PLCB1: variants seen among roughly 807,000 people sequenced by gnomAD.
The protein encoded by PLCB1 is 1-phosphatidylinositol 4,5-bisphosphate phosphodiesterase beta-1.
In PLCB1, 46 loss-of-function variants were observed where a neutral mutation model predicts 161.8. That is an observed-to-expected ratio of 0.28 (90% CI 0.22 to 0.36). PLCB1 has a LOEUF of 0.36. Among genes scored for constraint, PLCB1 ranks in the 10% least tolerant of loss-of-function variants. PLCB1 has a pLI of 1.00. For missense variants in PLCB1, 1,016 were observed against 1,472.5 expected (o/e 0.69, Z 5.07); for synonymous variants, 517 against 503.7 (o/e 1.03, Z -0.35).
At chr20:8,861,971 G>A (rs1197859085) in intron 31 of PLCB1, among the ~76,000 whole-genome samples, 1 of 152,104 alleles carries the variant, frequency 6.6e-6, no homozygotes, top group Non-Finnish European at 1.5e-5. Flanking sequence ...CTGGATATTA[G>A]ATATTTATTT....
chr20:8,307,134 C>T (rs958963865), intron 2 of PLCB1, among the ~76,000 whole-genome samples: 5 of 152,252 alleles, frequency 3.3e-5, no homozygotes, highest in Middle Eastern at 3.4e-3. Context: ...CAAAAGCTTC[C>T]ACGTTTCAAT....
At chr20:8,358,478 T>C (rs546581673) in intron 2 of PLCB1, among the ~76,000 whole-genome samples, 147 of 152,250 alleles carry the variant, frequency 9.7e-4, no homozygotes, top group African/African-American at 3.4e-3. Flanking sequence ...CTTGAACTCC[T>C]GACCTCAGGT....
chr20:8,271,331 T>C (rs1982269519), intron 2 of PLCB1, among the ~76,000 whole-genome samples: 1 of 152,112 alleles, frequency 6.6e-6, no homozygotes, highest in Non-Finnish European at 1.5e-5. Context: ...ATGATTGAAA[T>C]TGTTGGCCAT....
intron 3 of PLCB1, among the ~76,000 whole-genome samples, chr20:8,390,721 C>T (rs903378369): frequency 2.0e-5 from 3 of 152,104 alleles, no homozygotes; most frequent in African/African-American, 7.2e-5. Context: ...ATTATCAGCA[C>T]TAATTTCTGC....
At chr20:8,482,044 A>G (rs1290390977) in intron 3 of PLCB1, among the ~76,000 whole-genome samples, 3 of 151,702 alleles carry the variant, frequency 2.0e-5, no homozygotes, top group Non-Finnish European at 4.4e-5. Context: ...TTATAGTTTA[A>G]TAAAACATAT....
intron 9 of PLCB1, among the ~76,000 whole-genome samples, chr20:8,669,765 T>G (rs1989899933): frequency 6.6e-6 from 1 of 152,216 alleles, no homozygotes; most frequent in African/African-American, 2.4e-5. Flanking sequence ...CAAGAGGCAC[T>G]TAGGGCACTA....
chr20:8,639,848 T>C (rs1988882916), intron 4 of PLCB1, among the ~76,000 whole-genome samples: 1 of 151,690 alleles, frequency 6.6e-6, no homozygotes, highest in African/African-American at 2.4e-5. Flanking sequence ...GGAAGAGCCA[T>C]TAAATAAACT....
At chr20:8,840,105 A>G (rs538352075) in intron 31 of PLCB1, among the ~76,000 whole-genome samples, 15 of 151,574 alleles carry the variant, frequency 9.9e-5, no homozygotes, top group African/African-American at 3.4e-4. Context: ...TTTTTCTCAC[A>G]TATTTTCCTC....
At chr20:8,466,292 G>A (rs1473665391) in intron 3 of PLCB1, among the ~76,000 whole-genome samples, 2 of 148,272 alleles carry the variant, frequency 1.3e-5, no homozygotes, top group South Asian at 2.2e-4. Flanking sequence ...CATGGACACA[G>A]GAAGGGGAAT....
chr20:8,132,569 C>T lies in PLCB1; in HGVS notation c.-83C>T. 1.2e-6 allele frequency: 1 copy of T among 821,798 alleles called. No individual in the cohort carries two copies. Among genetic ancestry groups the T allele is most frequent in the Non-Finnish European group, 1.8e-6 (1 of 566,620 alleles). 50.9% of individuals were successfully genotyped at this position (821,798 alleles called of 1,614,324 possible). ...CGCCTCCGGAGCAGAGAAAGGAGCC[C>T]GCGCCCCGCGCCCCGCGCCCCGCGC... On this transcript the variant is annotated 5_prime_UTR_variant, in exon 1 of 32. Transcript: ENST00000338037. The surrounding 1 kb of genome is among the most constrained non-coding windows in gnomAD (Gnocchi z 5.2).
chr20:8,501,674 G>A (rs1003418103), intron 3 of PLCB1, among the ~76,000 whole-genome samples: 3 of 152,016 alleles, frequency 2.0e-5, no homozygotes, highest in Non-Finnish European at 2.9e-5. Flanking sequence ...GAAACATACC[G>A]ATGCCATATC....
chr20:8,629,928 TCTTTC>T (rs1164315009), intron 4 of PLCB1, among the ~76,000 whole-genome samples: 9 of 149,940 alleles, frequency 6.0e-5, no homozygotes, highest in Admixed American at 5.3e-4. Flanking sequence ...TTTCCTCTCT[TCTTTC>T]CTTTCTTTCT....
At chr20:8,764,831 C>T (rs1364708248) in intron 25 of PLCB1, among the ~76,000 whole-genome samples, 1 of 152,180 alleles carries the variant, frequency 6.6e-6, no homozygotes, top group Admixed American at 6.5e-5. Flanking sequence ...GGCTCCCCTA[C>T]TCTGAGAGTC....
At chr20:8,182,734 C>A (rs1165870537) in intron 2 of PLCB1, among the ~76,000 whole-genome samples, 2 of 151,886 alleles carry the variant, frequency 1.3e-5, no homozygotes, top group Non-Finnish European at 2.9e-5. Context: ...GCGCCCGCAA[C>A]CATGCCCGGC....
At chr20:8,663,028 C>T (rs1355574660) in intron 9 of PLCB1, among the ~76,000 whole-genome samples, 2 of 151,906 alleles carry the variant, frequency 1.3e-5, no homozygotes, top group African/African-American at 2.4e-5. Context: ...TTCAGATGTG[C>T]CCAGGTGTTA....
At chr20:8,216,347 T>A (rs1322271069) in intron 2 of PLCB1, among the ~76,000 whole-genome samples, 3 of 152,222 alleles carry the variant, frequency 2.0e-5, no homozygotes, top group African/African-American at 7.2e-5. Context: ...TCATTGTGGA[T>A]CTCAGACTGA....
At chr20:8,174,445 AC>A (rs1227043709) in intron 2 of PLCB1, among the ~76,000 whole-genome samples, 1 of 152,204 alleles carries the variant, frequency 6.6e-6, no homozygotes, top group African/African-American at 2.4e-5. Context: ...TAGCAGACCC[AC>A]CCATTAAGAT....
At chr20:8,301,812 G>A (rs1315367636) in intron 2 of PLCB1, among the ~76,000 whole-genome samples, 1 of 152,220 alleles carries the variant, frequency 6.6e-6, no homozygotes, top group Non-Finnish European at 1.5e-5. Context: ...AGTTTGCACG[G>A]CAATATGCCA....
At chr20:8,461,752 A>G (rs1981586063) in intron 3 of PLCB1, among the ~76,000 whole-genome samples, 1 of 152,148 alleles carries the variant, frequency 6.6e-6, no homozygotes. Context: ...GGGCTTCAGC[A>G]TGTTACTTTG....
Sources: allele counts gnomAD v4.1 joint callset (sites outside exome capture counted in the v4.1 genomes callset), GRCh38; gene constraint gnomAD v4.1.1; non-coding constraint Gnocchi (gnomAD v3.1); transcripts MANE v1.5; gene names NCBI Gene and HGNC (gene_info 2026-07-23, HGNC 2026-07-21).